The following KLF8 variants were observed in gnomAD, a reference collection of about 807,000 sequenced individuals.
The protein encoded by KLF8 is KLF transcription factor 8.
Under a neutral mutation model 18.2 loss-of-function variants are expected in KLF8, and 10 were observed. The ratio of observed to expected loss-of-function variants is 0.55; its 90% CI spans 0.34 to 0.93. The LOEUF (loss-of-function observed/expected upper bound fraction) is 0.93. Ranked by LOEUF, KLF8 falls within the 40% of genes least tolerant of loss-of-function variation. KLF8 has a pLI of 0.02. For synonymous variants in KLF8, 109 were observed against 97.3 expected (o/e 1.12, Z -0.71); for missense variants, 264 against 277.9 (o/e 0.95, Z 0.36).
At chrX:56,200,367 TA>T in the KLF8 span, among the ~76,000 whole-genome samples, 1 of 108,810 alleles carries the variant, frequency 9.2e-6, no homozygotes, top group African/African-American at 3.4e-5. Context: ...CATATAAAAA[TA>T]TAACTAAGTA....
At chrX:56,236,912 A>G (rs1475102766) in intron 1 of KLF8, among the ~76,000 whole-genome samples, 1 of 104,475 alleles carries the variant, frequency 9.6e-6, no homozygotes, top group Non-Finnish European at 2.0e-5. Flanking sequence ...TCATTTGTTT[A>G]CTCAAAGATA....
chrX:56,203,353 G>T, the KLF8 span, among the ~76,000 whole-genome samples: 1 of 112,111 alleles, frequency 8.9e-6, no homozygotes. Flanking sequence ...AGTTTGCAAA[G>T]ATTTTCTCCC....
the KLF8 span, among the ~76,000 whole-genome samples, chrX:56,101,330 A>G: frequency 1.8e-5 from 2 of 111,865 alleles, no homozygotes; most frequent in South Asian, 7.5e-4. Flanking sequence ...ATATAATTAC[A>G]CGGTCTATAT....
the KLF8 span, among the ~76,000 whole-genome samples, chrX:56,091,527 T>C: frequency 0.21 from 22,950 of 110,612 alleles, 4,909 homozygotes; most frequent in African/African-American, 0.65. Context: ...GACAGAGTCT[T>C]GCTCTGTCAC....
At chrX:56,102,031 G>T in the KLF8 span, among the ~76,000 whole-genome samples, 3 of 110,732 alleles carry the variant, frequency 2.7e-5, no homozygotes, top group Non-Finnish European at 5.7e-5. Context: ...TCCTGAGACT[G>T]GTATAAAGAA....
the KLF8 span, among the ~76,000 whole-genome samples, chrX:56,050,046 T>C: frequency 9.0e-6 from 1 of 111,170 alleles, no homozygotes; most frequent in Non-Finnish European, 1.9e-5. Flanking sequence ...TTTTCTAGTT[T>C]ATTTGCATAG....
At chrX:55,946,333 A>C in the KLF8 span, among the ~76,000 whole-genome samples, 1 of 111,500 alleles carries the variant, frequency 9.0e-6, no homozygotes, top group Non-Finnish European at 1.9e-5. Flanking sequence ...ATAACACCAC[A>C]TATCTACAAC....
the KLF8 span, among the ~76,000 whole-genome samples, chrX:56,011,594 G>T: frequency 9.1e-6 from 1 of 110,421 alleles, no homozygotes; most frequent in Non-Finnish European, 1.9e-5. Context: ...CAGAATACAA[G>T]AAATAACTAA....
the KLF8 span, among the ~76,000 whole-genome samples, chrX:56,053,546 T>TTTTTTTG: frequency 1.3e-5 from 1 of 76,639 alleles, no homozygotes; most frequent in Non-Finnish European, 2.1e-5. Flanking sequence ...TTTTCTTTGT[T>TTTTTTTG]TTTTTTTTTT....
chrX:55,946,219 T>A, the KLF8 span, among the ~76,000 whole-genome samples: 4 of 111,827 alleles, frequency 3.6e-5, no homozygotes, highest in Non-Finnish European at 5.6e-5. Flanking sequence ...AGCATCATGC[T>A]ACCTGACTTC....
chrX:56,167,215 C>T, the KLF8 span, among the ~76,000 whole-genome samples: 1 of 111,525 alleles, frequency 9.0e-6, no homozygotes, highest in Non-Finnish European at 1.9e-5. Context: ...ACTGCAACCA[C>T]CGCCTCCTGG....
chrX:56,016,290 T>TGTGCC, the KLF8 span, among the ~76,000 whole-genome samples: 1 of 112,372 alleles, frequency 8.9e-6, no homozygotes, highest in East Asian at 2.8e-4. Flanking sequence ...AGAGTGAGTA[T>TGTGCC]TCAGCACATT....
chrX:56,269,005 A>AACACAC (rs10584898), intron 3 of KLF8: 1 of 799,668 alleles, frequency 1.3e-6, no homozygotes, highest in Non-Finnish European at 1.6e-6. Flanking sequence ...AGTTCAATTC[A>AACACAC]ACACACACAC....
chrX:56,185,754 A>G, the KLF8 span, among the ~76,000 whole-genome samples: 1 of 111,979 alleles, frequency 8.9e-6, no homozygotes, highest in Non-Finnish European at 1.9e-5. Context: ...TCAACCCAGA[A>G]TTTCATATCC....
At chrX:56,269,167 A>G (rs1311580910) in intron 3 of KLF8, 32 of 1,004,592 alleles carry the variant, frequency 3.2e-5, no homozygotes, top group Non-Finnish European at 1.6e-5. Context: ...CTCTTACTTT[A>G]AAGGCATTTC....
the KLF8 span, among the ~76,000 whole-genome samples, chrX:56,090,989 A>G: frequency 8.9e-6 from 1 of 112,035 alleles, no homozygotes. Context: ...TCCGTGGTTT[A>G]CACATACCAC....
chrX:56,034,972 G>T, the KLF8 span, among the ~76,000 whole-genome samples: 6 of 108,777 alleles, frequency 5.5e-5, no homozygotes, highest in African/African-American at 1.3e-4. Context: ...AGCCAGGATG[G>T]TCTCGATCTC....
the KLF8 span, among the ~76,000 whole-genome samples, chrX:56,112,678 G>A: frequency 9.9e-5 from 11 of 110,965 alleles, no homozygotes; most frequent in African/African-American, 3.6e-4. Flanking sequence ...CTCAGATTTG[G>A]TAATTTACAT....
chrX:56,145,024 C>G, the KLF8 span, among the ~76,000 whole-genome samples: 1 of 109,942 alleles, frequency 9.1e-6, no homozygotes, highest in African/African-American at 3.3e-5. Flanking sequence ...AACTCCTGAC[C>G]TTAAGTGATC....
Sources: allele counts gnomAD v4.1 joint callset (sites outside exome capture counted in the v4.1 genomes callset), GRCh38; gene constraint gnomAD v4.1.1; transcripts MANE v1.5; gene names NCBI Gene and HGNC (gene_info 2026-07-23, HGNC 2026-07-21).